The following BRWD1 variants were observed in gnomAD, a reference collection of about 807,000 sequenced individuals.
BRWD1 encodes bromodomain and WD repeat domain containing 1.
A neutral mutation model predicts 251.2 loss-of-function variants in BRWD1; 82 were observed. The observed-to-expected ratio is 0.33, with a 90% CI of 0.27 to 0.39. BRWD1 has a LOEUF of 0.39. Among genes scored for constraint, BRWD1 ranks in the 10% least tolerant of loss-of-function variants. The pLI, the probability that BRWD1 is intolerant of heterozygous loss-of-function variation, is 1.00. For missense variants in BRWD1, 2,233 were observed against 2,711.6 expected (o/e 0.82, Z 3.92); for synonymous variants, 918 against 902.8 (o/e 1.02, Z -0.30).
intron 8 of BRWD1, among the ~76,000 whole-genome samples, chr21:39,288,884 A>G (rs2035723695): frequency 6.6e-6 from 1 of 152,206 alleles, no homozygotes; most frequent in Non-Finnish European, 1.5e-5. Flanking sequence ...GGGGTGACAG[A>G]GGTGGAAGAA....
At chr21:39,199,787 G>A (rs1483374274) in intron 39 of BRWD1, 125 bp from the exon 40 acceptor site, 2 of 1,018,116 alleles carry the variant, frequency 2.0e-6, no homozygotes, top group South Asian at 3.5e-5. Context: ...TTTCGCTCTT[G>A]TTGCCCAGGC....
At position 39,258,518 on chromosome 21, in the gene BRWD1, T is replaced by C; in HGVS notation, c.2040A>G (p.Gly680=). 6.2e-7 allele frequency: 1 copy of C among 1,603,628 alleles called. No homozygotes were observed. The highest frequency in any genetic ancestry group is 8.5e-7 in the Non-Finnish European group (1 of 1,175,194). ...GGGGTGTTTCTTCACCATTTGAAAG[T>C]CCTCTTGGAATAGTATCCTGATCTG... ...MGADQDTIPR[G]LSNGEETPRR... The change falls in exon 18 of 41, where the codon GGA becomes GGG. Residue 680 remains glycine, a synonymous_variant. Transcript: ENST00000342449.
intron 23 of BRWD1, 57 bp from the exon 24 acceptor site, chr21:39,232,555 C>A: frequency 5.2e-6 from 8 of 1,544,064 alleles, no homozygotes; most frequent in Non-Finnish European, 6.9e-6. Context: ...CATGCACTGT[C>A]TGAATGAAAA....
chr21:39,262,016 T>C (rs998203229), intron 17 of BRWD1, among the ~76,000 whole-genome samples: 1 of 152,172 alleles, frequency 6.6e-6, no homozygotes, highest in African/African-American at 2.4e-5. Context: ...ACAAGTTGAA[T>C]TGGCTATATT....
At chr21:39,241,671 C>CA (rs2034008814) in intron 21 of BRWD1, among the ~76,000 whole-genome samples, 1 of 151,974 alleles carries the variant, frequency 6.6e-6, no homozygotes. Context: ...AATATGTATA[C>CA]ACAGGCATAC....
At chr21:39,302,566 G>A (rs1301363439) in intron 4 of BRWD1, among the ~76,000 whole-genome samples, 3 of 151,980 alleles carry the variant, frequency 2.0e-5, no homozygotes, top group Non-Finnish European at 4.4e-5. Context: ...AGACCAGCCT[G>A]GCTAACATGG....
At chr21:39,289,747 G>C (rs139333065) in intron 8 of BRWD1, among the ~76,000 whole-genome samples, 1 of 151,564 alleles carries the variant, frequency 6.6e-6, no homozygotes, top group Non-Finnish European at 1.5e-5. Context: ...CAATCAGGCC[G>C]GGCACGGTGG....
intron 4 of BRWD1, among the ~76,000 whole-genome samples, chr21:39,312,234 G>A (rs1218233170): frequency 1.3e-5 from 2 of 152,192 alleles, no homozygotes; most frequent in East Asian, 3.8e-4. Context: ...TTATCTACAA[G>A]ATCAGTGTGA....
At position 39,188,278 on chromosome 21, in the gene BRWD1, T is replaced by C; in HGVS notation, c.*7981A>G. 1 of 985,414 alleles carries C rather than the reference T, an allele frequency of 1.0e-6. No individual in the cohort carries two copies. The highest frequency in any genetic ancestry group is 1.2e-6 in the Non-Finnish European group (1 of 829,916). The allele number at this position is 985,414 out of a possible 1,614,324, so 61.0% of individuals were successfully genotyped here. A position where few individuals can be genotyped will look rare whatever the true frequency, so the allele number is the denominator to read the frequency against. On this transcript the variant is annotated 3_prime_UTR_variant, in exon 41 of 41. Coordinates refer to ENST00000342449, the MANE Select transcript of BRWD1 (RefSeq NM_033656.4). ...AAACTATCTAAAACTGCCTTCATGG[T>C]ACACACCAATCTTGATGGCAGTTTG...
At position 39,306,071 on chromosome 21, in the gene BRWD1, T is replaced by C. The variant is rs898769119; in HGVS notation, c.198+6770A>G. On this transcript the variant is annotated intron_variant, in intron 4 of 40. Transcript: ENST00000342449. ...AATTGAGACTAGTTATCTTTAAGTATCTTTTTTTTTTTTTTTTGAGACCGA... is the reference window on the plus strand; with the variant it reads ...AATTGAGACTAGTTATCTTTAAGTACCTTTTTTTTTTTTTTTTGAGACCGA... Among the ~76,000 whole-genome samples the C allele has an allele frequency of 1.7e-4, 25 of 147,442 alleles. 2 individuals are homozygous for C. The highest frequency in any genetic ancestry group is 6.5e-4 in the African/African-American group (25 of 38,654).
chr21:39,311,233 G>A (rs539848155), intron 4 of BRWD1, among the ~76,000 whole-genome samples: 16 of 152,108 alleles, frequency 1.1e-4, no homozygotes, highest in African/African-American at 3.6e-4. Context: ...AGTGGCAGGA[G>A]GATAGTTCAA....
At position 39,192,458 on chromosome 21, in the gene BRWD1, C is replaced by T. The variant is rs1395397106; in HGVS notation, c.*3801G>A. 6.1e-6 allele frequency: 6 copies of T among 985,062 alleles called. No homozygotes were observed. In the East Asian group the frequency reaches 6.8e-4, roughly 112 times the overall value. 61.0% of individuals were successfully genotyped at this position (985,062 alleles called of 1,614,324 possible). On this transcript the variant is annotated 3_prime_UTR_variant, in exon 41 of 41. Coordinates refer to ENST00000342449, the MANE Select transcript of BRWD1 (RefSeq NM_033656.4). ...TCTTGGGGTTTCTGCTTTATTATTTCCTTGATATCCACAGCAGAAATTCAG... is the reference window on the plus strand; with the variant it reads ...TCTTGGGGTTTCTGCTTTATTATTTTCTTGATATCCACAGCAGAAATTCAG...
chr21:39,237,925 T>C (rs1246917294), intron 22 of BRWD1, among the ~76,000 whole-genome samples: 2 of 151,958 alleles, frequency 1.3e-5, no homozygotes, highest in Non-Finnish European at 2.9e-5. Context: ...GCAGAGAGTA[T>C]GTGATAATGG....
In BRWD1 at chr21:39,185,743, A is replaced by G. The variant is rs1041552920; in HGVS notation, c.*10516T>C. The G allele has an allele frequency of 8.5e-5, 13 of 152,156 alleles. No individual in the cohort carries two copies. Among genetic ancestry groups the G allele is most frequent in the Non-Finnish European group, 1.3e-4 (9 of 67,988 alleles). The allele number at this position is 152,156 out of a possible 1,614,324, so 9.4% of individuals were successfully genotyped here. A position where few individuals can be genotyped will look rare whatever the true frequency, so the allele number is the denominator to read the frequency against. ...AAAATGCATTTGACTTAAAAAAGAAATAGAAAACCCTAGGTTTCTGTAGTT... is the reference window on the plus strand; with the variant it reads ...AAAATGCATTTGACTTAAAAAAGAAGTAGAAAACCCTAGGTTTCTGTAGTT... On this transcript the variant is annotated 3_prime_UTR_variant, in exon 41 of 41. Transcript: ENST00000342449.
At chr21:39,314,275 G>C, upstream of BRWD1, 1 of 455,976 alleles carries the variant, frequency 2.2e-6, no homozygotes, top group Non-Finnish European at 4.4e-6. Context: ...CGGCGCTGAA[G>C]GCTGCCGAGA....
rs993001399 is a variant in BRWD1, at chr21:39,311,706, T to G, written c.198+1135A>C. Among the ~76,000 whole-genome samples the G allele has an allele frequency of 2.0e-5, 3 of 152,192 alleles. No homozygotes were observed. In the South Asian group the frequency reaches 6.2e-4, roughly 31 times the overall value. ...TGCCATCAGAATTTTTAGAACTCAT[T>G]CCCTTGAAAACATCCACTGTTAAAG... is the stretch of plus-strand genomic sequence containing the variant. On this transcript the variant is annotated intron_variant, in intron 4 of 40. Transcript: ENST00000342449.
In BRWD1 at chr21:39,193,104, C is replaced by A. The variant is rs986633964; in HGVS notation, c.*3155G>T. On this transcript the variant is annotated 3_prime_UTR_variant, in exon 41 of 41. Coordinates refer to ENST00000342449, the MANE Select transcript of BRWD1 (RefSeq NM_033656.4). ...TTTTATTGGTTTGTTTTATATTCCC[C>A]TTTTCCATTTGCCCTTCTGTTTTGA... The A allele has an allele frequency of 1.0e-6, 1 of 984,952 alleles. No homozygotes were observed. Among genetic ancestry groups the A allele is most frequent in the African/African-American group, 1.7e-5 (1 of 57,194 alleles). 61.0% of individuals were successfully genotyped at this position (984,952 alleles called of 1,614,324 possible). A position where few individuals can be genotyped will look rare whatever the true frequency, so the allele number is the denominator to read the frequency against.
At chr21:39,309,079 C>T (rs990701930) in intron 4 of BRWD1, among the ~76,000 whole-genome samples, 14 of 151,930 alleles carry the variant, frequency 9.2e-5, no homozygotes, top group African/African-American at 3.4e-4. Context: ...GAGGCTGAAG[C>T]AGGCAAATCG....
At chr21:39,300,694 T>C (rs955073570) in intron 4 of BRWD1, among the ~76,000 whole-genome samples, 3 of 152,030 alleles carry the variant, frequency 2.0e-5, no homozygotes, top group Non-Finnish European at 4.4e-5. Context: ...CTCAAAAAAA[T>C]GATGAGATAC....
Sources: allele counts gnomAD v4.1 joint callset (sites outside exome capture counted in the v4.1 genomes callset), GRCh38; gene constraint gnomAD v4.1.1; transcripts MANE v1.5; gene names NCBI Gene and HGNC (gene_info 2026-07-23, HGNC 2026-07-21).